Variants in USP37 observed in about 807,000 individuals in gnomAD.
The protein encoded by USP37 is ubiquitin specific peptidase 37, also known as ubiquitin carboxyl-terminal hydrolase 37.
In USP37, 27 loss-of-function variants were observed where a neutral mutation model predicts 124.0. That is an observed-to-expected ratio of 0.22 (90% CI 0.16 to 0.30). The LOEUF (loss-of-function observed/expected upper bound fraction) is 0.30. Among genes scored for constraint, USP37 ranks in the 10% least tolerant of loss-of-function variants. The pLI is 1.00. For missense variants in USP37, 889 were observed against 1,140.4 expected (o/e 0.78, Z 3.17); for synonymous variants, 365 against 388.0 (o/e 0.94, Z 0.70).
At chr2:218,492,549 A>G in intron 14 of USP37, among the ~76,000 whole-genome samples, 1 of 152,214 alleles carries the variant, frequency 6.6e-6, no homozygotes, top group East Asian at 1.9e-4. Context: ...CTGCAGAAAC[A>G]TGGTAACTAA....
intron 16 of USP37, among the ~76,000 whole-genome samples, chr2:218,484,190 A>C (rs146250194): frequency 6.6e-6 from 1 of 152,162 alleles, no homozygotes; most frequent in African/African-American, 2.4e-5. Context: ...TTTTTTGTAG[A>C]GATGGGGGTC....
Position 218,455,727 on chromosome 2 carries a change from A to G in USP37, c.2714-9T>C. On this transcript the variant is annotated splice_polypyrimidine_tract_variant and intron_variant, in intron 24 of 25. Transcript: ENST00000258399. The stretch of plus-strand genomic sequence containing the variant: ...ATCACTAATGTAATGACCTGAAACA[A>G]ATAACATCTTAAAATCAAGGTTTTT... The G allele has an allele frequency of 6.2e-7, 1 of 1,611,418 alleles. No homozygotes were observed.
intron 1 of USP37, among the ~76,000 whole-genome samples, chr2:218,564,349 G>T (rs755675034): frequency 2.6e-5 from 4 of 152,144 alleles, no homozygotes; most frequent in Admixed American, 6.5e-5. Context: ...AAGTGATAGG[G>T]ATATTATCTC....
chr2:218,509,996 T>C lies in USP37; in HGVS notation c.1008A>G (p.Gln336=). The change falls in exon 11 of 26, where the codon CAA becomes CAG. Residue 336 remains glutamine, a synonymous_variant. Coordinates refer to ENST00000258399, the MANE Select transcript of USP37 (RefSeq NM_020935.3). ...NKPRVPLSSH[Q]QQQLQGFSNL... Reference sequence around the variant, plus strand: ...TGACCTACCCCTGCAGTTGCTGCTGTTGGTGAGAGGAAAGGGGCACTCTTG... The same window carrying C: ...TGACCTACCCCTGCAGTTGCTGCTGCTGGTGAGAGGAAAGGGGCACTCTTG... The C allele has an allele frequency of 1.9e-6, 3 of 1,575,494 alleles. No homozygotes were observed. The highest frequency in any genetic ancestry group is 2.6e-6 in the Non-Finnish European group (3 of 1,155,316).
At chr2:218,489,636 C>T (rs539202594) in intron 14 of USP37, among the ~76,000 whole-genome samples, 16 of 151,920 alleles carry the variant, frequency 1.1e-4, no homozygotes, top group Admixed American at 5.9e-4. Flanking sequence ...CACACCACCA[C>T]GCCTGGCTAA....
Position 218,455,000 on chromosome 2 carries a change from A to G in USP37, c.2870T>C (p.Leu957Pro). ...FYMHKEIFDE[L>P]LETEKNSQSL... ...CTGAGAGTTCTTTTCTGTTTCCAGC[A>G]GCTCATCAAAGATCTCCCTTAAGAT... is the stretch of plus-strand genomic sequence containing the variant. Residue 957 changes from leucine to proline, a missense_variant, in exon 26 of 26, where the codon CTG (leucine) becomes CCG (proline). Leu to Pro is a moderately conservative substitution (Grantham distance 98, BLOSUM62 -3). Around this residue, in one of 3 missense-constraint regions of USP37, gnomAD observed 504 missense variants for 714.3 expected, o/e 0.71. Coordinates refer to ENST00000258399, the MANE Select transcript of USP37 (RefSeq NM_020935.3). 6.2e-7 allele frequency: 1 copy of G among 1,614,018 alleles called. No individual in the cohort carries two copies. The highest frequency in any genetic ancestry group is 8.5e-7 in the Non-Finnish European group (1 of 1,180,026).
chr2:218,539,146 A>T (rs891424198), intron 8 of USP37, among the ~76,000 whole-genome samples: 1 of 151,616 alleles, frequency 6.6e-6, no homozygotes, highest in East Asian at 2.0e-4. Flanking sequence ...TTTTGTAGAG[A>T]TGAGATCTTG....
At chr2:218,553,799 A>G in intron 4 of USP37, 75 bp from the exon 5 acceptor site, 1 of 1,363,148 alleles carries the variant, frequency 7.3e-7, no homozygotes, top group Non-Finnish European at 9.8e-7. Context: ...AATAAATACT[A>G]AACTTTATAC....
At chr2:218,465,476 T>C (rs1281630827) in intron 21 of USP37, among the ~76,000 whole-genome samples, 2 of 151,992 alleles carry the variant, frequency 1.3e-5, no homozygotes, top group Non-Finnish European at 2.9e-5. Context: ...CTAGGAATAA[T>C]CTATAATACC....
chr2:218,500,441 T>C (rs1013758331), intron 11 of USP37, among the ~76,000 whole-genome samples: 8 of 151,696 alleles, frequency 5.3e-5, no homozygotes, highest in Non-Finnish European at 1.0e-4. Flanking sequence ...TTTGTATTTT[T>C]AGTAGAGGTT....
chr2:218,522,222 CCTT>C (rs1690692604), intron 10 of USP37, among the ~76,000 whole-genome samples: 1 of 151,960 alleles, frequency 6.6e-6, no homozygotes, highest in African/African-American at 2.4e-5. Flanking sequence ...TCTTCTTAGG[CCTT>C]CTTCAAAATT....
chr2:218,455,597 G>T lies in USP37; in HGVS notation c.2835C>A (p.Ile945=). Residue 945 remains isoleucine (I), a synonymous_variant, in exon 25 of 26, where the codon ATC becomes ATA. Transcript: ENST00000258399. ...VQSDRDRSGY[I]FFYMHKEIFD... ...TTTCTTACTTGTGCATATAAAAGAA[G>T]ATGTAGCCACTCCGATCTCGATCAC... 1 of 1,613,128 alleles carries T rather than the reference G, an allele frequency of 6.2e-7. No homozygotes were observed. Among genetic ancestry groups the T allele is most frequent in the Non-Finnish European group, 8.5e-7 (1 of 1,179,732 alleles).
At chr2:218,455,114 G>C (rs986498496) in intron 25 of USP37, 97 bp from the exon 26 acceptor site, 64 of 1,397,076 alleles carry the variant, frequency 4.6e-5, no homozygotes, top group Non-Finnish European at 4.2e-5. Context: ...ATATGGATAA[G>C]GCCTTCACAA....
At chr2:218,521,325 GATTTT>G (rs1047917543) in intron 10 of USP37, among the ~76,000 whole-genome samples, 7 of 152,126 alleles carry the variant, frequency 4.6e-5, no homozygotes, top group Non-Finnish European at 1.0e-4. Context: ...TAGATCTAGA[GATTTT>G]ATTTTTTAAA....
chr2:218,563,205 A>T (rs1693408845), intron 1 of USP37, among the ~76,000 whole-genome samples: 1 of 151,978 alleles, frequency 6.6e-6, no homozygotes, highest in African/African-American at 2.4e-5. Flanking sequence ...TACAACAAAG[A>T]TTAACTTCTT....
intron 10 of USP37, among the ~76,000 whole-genome samples, chr2:218,521,060 C>T (rs1369916267): frequency 2.0e-5 from 3 of 152,080 alleles, no homozygotes; most frequent in Admixed American, 2.0e-4. Flanking sequence ...GTACCTCCCC[C>T]TTCTCACTCT....
intron 13 of USP37, 102 bp from the exon 14 acceptor site, chr2:218,496,052 G>A (rs544521040): frequency 3.5e-5 from 41 of 1,174,928 alleles, no homozygotes; most frequent in African/African-American, 3.4e-4. Flanking sequence ...CCAGCACTCT[G>A]GAAGGCTGAG....
chr2:218,523,105 G>A (rs1297321449), intron 10 of USP37, among the ~76,000 whole-genome samples: 3 of 152,068 alleles, frequency 2.0e-5, no homozygotes, highest in East Asian at 1.9e-4. Context: ...GTGAAACCCC[G>A]TCTCTACCAA....
At chr2:218,474,346 G>A (rs1482718541) in intron 20 of USP37, among the ~76,000 whole-genome samples, 1 of 152,036 alleles carries the variant, frequency 6.6e-6, no homozygotes, top group Non-Finnish European at 1.5e-5. Flanking sequence ...GTTATATACA[G>A]ATCCACTTCA....
Sources: gnomAD v4.1 joint callset for allele counts (sites outside exome capture counted in the v4.1 genomes callset) on GRCh38, gnomAD v4.1.1 for gene constraint, gnomAD v4.1.1 regional missense constraint, MANE v1.5 for transcripts, NCBI Gene and HGNC (gene_info 2026-07-23, HGNC 2026-07-21) for gene names.